PIGK: variants seen among roughly 807,000 people sequenced by gnomAD.
The protein encoded by PIGK is phosphatidylinositol glycan anchor biosynthesis class K, also known as GPI-anchor transamidase.
A neutral mutation model predicts 50.6 loss-of-function variants in PIGK; 42 were observed. The observed-to-expected ratio is 0.83, with a 90% CI of 0.65 to 1.07. The LOEUF (loss-of-function observed/expected upper bound fraction) is 1.07. Among genes scored for constraint, PIGK ranks in the 50% least tolerant of loss-of-function variants. PIGK has a pLI of 0.00. For missense variants in PIGK, 448 were observed against 488.7 expected (o/e 0.92, Z 0.78); for synonymous variants, 151 against 156.0 (o/e 0.97, Z 0.24).
At chr1:77,178,749 T>C (rs1327106738) in intron 3 of PIGK, among the ~76,000 whole-genome samples, 2 of 152,120 alleles carry the variant, frequency 1.3e-5, no homozygotes, top group East Asian at 3.8e-4. Flanking sequence ...TTCTCAAAGG[T>C]TTTAAATGTT....
intron 1 of PIGK, among the ~76,000 whole-genome samples, chr1:77,213,232 C>T (rs1419149548): frequency 6.6e-6 from 1 of 152,180 alleles, no homozygotes; most frequent in African/African-American, 2.4e-5. Flanking sequence ...ATTTACAGGA[C>T]ATTTCTTCCA....
intron 3 of PIGK, among the ~76,000 whole-genome samples, chr1:77,182,645 A>T (rs1009010045): frequency 6.6e-6 from 1 of 152,156 alleles, no homozygotes; most frequent in African/African-American, 2.4e-5. Context: ...ACGAGGAGTG[A>T]TCCTAGAGGA....
chr1:77,144,738 A>C (rs1447536361), intron 9 of PIGK, among the ~76,000 whole-genome samples: 1 of 151,948 alleles, frequency 6.6e-6, no homozygotes, highest in Non-Finnish European at 1.5e-5. Flanking sequence ...TGACCAATCC[A>C]TTTTGAAACT....
At chr1:77,177,734 G>A (rs569869549) in intron 3 of PIGK, among the ~76,000 whole-genome samples, 44 of 152,088 alleles carry the variant, frequency 2.9e-4, no homozygotes, top group Non-Finnish European at 5.4e-4. Context: ...AGCTGGTCTC[G>A]GCACCCTTCT....
chr1:77,211,267 G>A (rs1656413951), intron 1 of PIGK, among the ~76,000 whole-genome samples: 1 of 151,256 alleles, frequency 6.6e-6, no homozygotes, highest in Non-Finnish European at 1.5e-5. Context: ...AATATTTTTT[G>A]AATTAATGAA....
At chr1:77,191,589 T>A (rs1655905286) in intron 3 of PIGK, among the ~76,000 whole-genome samples, 1 of 152,254 alleles carries the variant, frequency 6.6e-6, no homozygotes, top group African/African-American at 2.4e-5. Flanking sequence ...ATGATACATT[T>A]CTAGCGTCAA....
intron 9 of PIGK, among the ~76,000 whole-genome samples, chr1:77,143,282 G>A (rs994524600): frequency 1.3e-5 from 2 of 151,910 alleles, no homozygotes; most frequent in African/African-American, 4.8e-5. Flanking sequence ...TAATAACATG[G>A]AAACTAATAT....
intron 9 of PIGK, among the ~76,000 whole-genome samples, chr1:77,146,638 T>C (rs1654775622): frequency 6.6e-6 from 1 of 151,688 alleles, no homozygotes; most frequent in South Asian, 2.1e-4. Context: ...TCTACTAAAA[T>C]ACAAAAAAAT....
intron 9 of PIGK, among the ~76,000 whole-genome samples, chr1:77,124,039 A>C (rs72681896): frequency 4.6e-5 from 7 of 151,744 alleles, no homozygotes; most frequent in Non-Finnish European, 7.4e-5. Flanking sequence ...GAAAATGGCC[A>C]TCTACACGTC....
At chr1:77,216,589 GAAT>G (rs1421356824) in intron 1 of PIGK, among the ~76,000 whole-genome samples, 7 of 151,964 alleles carry the variant, frequency 4.6e-5, no homozygotes, top group African/African-American at 1.5e-4. Flanking sequence ...GATAAATATA[GAAT>G]AATAACCTGA....
chr1:77,198,679 A>G (rs1656089314), intron 3 of PIGK, among the ~76,000 whole-genome samples: 1 of 152,034 alleles, frequency 6.6e-6, no homozygotes, highest in Non-Finnish European at 1.5e-5. Flanking sequence ...TTAAAAAGCT[A>G]CCAAAGATGT....
chr1:77,177,226 C>T (rs1032682849), intron 3 of PIGK, among the ~76,000 whole-genome samples: 4 of 152,212 alleles, frequency 2.6e-5, no homozygotes, highest in African/African-American at 9.7e-5. Flanking sequence ...TCAACCCCTT[C>T]TGTTGGGAAT....
intron 3 of PIGK, among the ~76,000 whole-genome samples, chr1:77,180,384 T>TA (rs952151752): frequency 8.6e-5 from 13 of 151,924 alleles, no homozygotes; most frequent in South Asian, 2.1e-4. Context: ...TCCTATTAGT[T>TA]AAAAAAAATG....
At chr1:77,185,665 G>A (rs960761625) in intron 3 of PIGK, among the ~76,000 whole-genome samples, 1 of 152,126 alleles carries the variant, frequency 6.6e-6, no homozygotes, top group South Asian at 2.1e-4. Flanking sequence ...TTTTGAGTGG[G>A]GTCCAGAACA....
Position 77,210,419 on chromosome 1 carries a change from T to G in PIGK, c.147+17A>C, listed in dbSNP as rs1359039796. ...ATCTAATGTGAACAGCAAGGTATAC[T>G]TTTACAGTATACTTACCAGAACAGC... On this transcript the variant is annotated intron_variant, in intron 2 of 10. Coordinates refer to ENST00000370812, the MANE Select transcript of PIGK (RefSeq NM_005482.3). The G allele has an allele frequency of 1.3e-6, 2 of 1,534,460 alleles. No individual in the cohort carries two copies. The highest frequency in any genetic ancestry group is 1.8e-5 in the Admixed American group (1 of 54,654).
intron 10 of PIGK, among the ~76,000 whole-genome samples, chr1:77,116,187 TTC>T (rs1653957371): frequency 6.6e-6 from 1 of 151,912 alleles, no homozygotes; most frequent in African/African-American, 2.4e-5. Context: ...TCACACATCT[TTC>T]TCTTTTTTTT....
intron 1 of PIGK, among the ~76,000 whole-genome samples, chr1:77,218,050 T>G (rs2100593139): frequency 6.6e-6 from 1 of 152,316 alleles, no homozygotes; most frequent in East Asian, 1.9e-4. Context: ...CATAAATATA[T>G]ATGAAGTTCA....
At chr1:77,175,872 GC>G in intron 3 of PIGK, among the ~76,000 whole-genome samples, 1 of 152,024 alleles carries the variant, frequency 6.6e-6, no homozygotes, top group East Asian at 1.9e-4. Flanking sequence ...TCACCTTATG[GC>G]CAAACTGATT....
chr1:77,137,020 A>T (rs34667818), intron 9 of PIGK, among the ~76,000 whole-genome samples: 4 of 152,250 alleles, frequency 2.6e-5, no homozygotes, highest in African/African-American at 9.6e-5. Flanking sequence ...TTCTAAGAAA[A>T]GATACAGTCT....
Sources: gnomAD v4.1 joint callset for allele counts (sites outside exome capture counted in the v4.1 genomes callset) on GRCh38, gnomAD v4.1.1 for gene constraint, MANE v1.5 for transcripts, NCBI Gene and HGNC (gene_info 2026-07-23, HGNC 2026-07-21) for gene names.